SBF2: variants seen among roughly 807,000 people sequenced by gnomAD.
The protein encoded by SBF2 is myotubularin-related protein 13.
In SBF2, 112 loss-of-function variants were observed where a neutral mutation model predicts 225.2. The observed-to-expected ratio is 0.50, with a 90% CI of 0.43 to 0.58. The LOEUF is 0.58. Ranked by LOEUF, SBF2 falls within the 20% of genes least tolerant of loss-of-function variation. The pLI, the probability that SBF2 is intolerant of heterozygous loss-of-function variation, is 0.00. For synonymous variants in SBF2, 763 were observed against 773.3 expected (o/e 0.99, Z 0.22); for missense variants, 1,996 against 2,206.2 (o/e 0.90, Z 1.91).
intron 1 of SBF2, among the ~76,000 whole-genome samples, chr11:10,286,081 G>A (rs1044906160): frequency 6.6e-6 from 1 of 151,984 alleles, no homozygotes; most frequent in African/African-American, 2.4e-5. Flanking sequence ...ACCCACCTCA[G>A]CCTCCCATAG....
intron 2 of SBF2, among the ~76,000 whole-genome samples, chr11:10,069,157 A>C (rs541922735): frequency 6.7e-4 from 102 of 152,206 alleles, no homozygotes; most frequent in Non-Finnish European, 1.2e-3. Context: ...CATAAAAATA[A>C]CTAATTTTGA....
chr11:9,954,405 C>T (rs889870476), intron 16 of SBF2, among the ~76,000 whole-genome samples: 5 of 152,168 alleles, frequency 3.3e-5, no homozygotes, highest in East Asian at 1.9e-4. Context: ...TTGATAAGTA[C>T]GTTGTTGCAT....
At chr11:9,977,083 T>C (rs1384711015) in intron 13 of SBF2, among the ~76,000 whole-genome samples, 2 of 152,170 alleles carry the variant, frequency 1.3e-5, no homozygotes, top group Non-Finnish European at 2.9e-5. Flanking sequence ...TGCCCTGAAG[T>C]AGAAGTTTTA....
chr11:9,833,221 A>G (rs1253818411), intron 26 of SBF2, among the ~76,000 whole-genome samples: 1 of 152,236 alleles, frequency 6.6e-6, no homozygotes, highest in African/African-American at 2.4e-5. Context: ...GTTGATACTT[A>G]TTTTAAAAGA....
chr11:10,249,158 T>A (rs1960092415), intron 1 of SBF2, among the ~76,000 whole-genome samples: 3 of 152,142 alleles, frequency 2.0e-5, no homozygotes, highest in South Asian at 2.1e-4. Context: ...AAAGGGGTAT[T>A]ATCTTGTTTT....
At chr11:9,811,875 G>T in intron 30 of SBF2, among the ~76,000 whole-genome samples, 1 of 152,114 alleles carries the variant, frequency 6.6e-6, no homozygotes, top group Non-Finnish European at 1.5e-5. Flanking sequence ...CAGCTCTTTG[G>T]GAGGTCAAGG....
chr11:10,133,039 T>C (rs1479695874), intron 2 of SBF2, among the ~76,000 whole-genome samples: 1 of 135,378 alleles, frequency 7.4e-6, no homozygotes, highest in Non-Finnish European at 1.6e-5. Flanking sequence ...AGATACAGAG[T>C]GCCGATTGGT....
At chr11:9,933,388 A>C (rs1415481798) in intron 16 of SBF2, among the ~76,000 whole-genome samples, 4 of 152,206 alleles carry the variant, frequency 2.6e-5, no homozygotes, top group African/African-American at 9.6e-5. Context: ...ACTTATTCCA[A>C]AATTGACCAC....
rs764924324 is a variant in SBF2, at chr11:9,968,578, A to G, written c.1396-33T>C. Reference sequence around the variant, plus strand: ...ATCAGACATAGGTAAAATTACTCCAAGTTAAAATAACAATGGCAGATCACC... The same window carrying G: ...ATCAGACATAGGTAAAATTACTCCAGGTTAAAATAACAATGGCAGATCACC... On this transcript the variant is annotated intron_variant, in intron 13 of 39. Transcript: ENST00000256190. 6 of 1,554,150 alleles carry G rather than the reference A, an allele frequency of 3.9e-6. No individual in the cohort carries two copies. In the African/African-American group the frequency reaches 6.8e-5, roughly 18 times the overall value.
intron 38 of SBF2, among the ~76,000 whole-genome samples, chr11:9,782,641 C>T (rs528084918): frequency 3.3e-5 from 5 of 152,136 alleles, no homozygotes; most frequent in African/African-American, 4.8e-5. Flanking sequence ...GAGGCTGAGG[C>T]GGGTGGATCA....
intron 14 of SBF2, 95 bp from the exon 15 acceptor site, chr11:9,963,977 G>T: frequency 1.3e-6 from 1 of 752,116 alleles, no homozygotes; most frequent in Non-Finnish European, 2.3e-6. Flanking sequence ...TAGGTTGGGC[G>T]TGGAGGCTCA....
intron 1 of SBF2, among the ~76,000 whole-genome samples, chr11:10,227,202 T>C (rs987858080): frequency 6.6e-6 from 1 of 152,228 alleles, no homozygotes; most frequent in Non-Finnish European, 1.5e-5. Context: ...TTTGAGTTCA[T>C]TGTAGATTCT....
At chr11:10,162,078 G>A (rs1955768986) in intron 2 of SBF2, among the ~76,000 whole-genome samples, 2 of 152,038 alleles carry the variant, frequency 1.3e-5, no homozygotes, top group Admixed American at 1.3e-4. Context: ...AGAACATGAA[G>A]ATAAGAGTGA....
intron 1 of SBF2, among the ~76,000 whole-genome samples, chr11:10,227,802 A>G (rs1030913743): frequency 2.9e-4 from 44 of 151,896 alleles, no homozygotes; most frequent in Middle Eastern, 3.4e-3. Context: ...TTGGCGATGC[A>G]GGCTCTTTTT....
chr11:10,003,509 AG>A (rs2134518243), intron 6 of SBF2, among the ~76,000 whole-genome samples: 1 of 151,892 alleles, frequency 6.6e-6, no homozygotes, highest in South Asian at 2.1e-4. Context: ...CTGGGATTAC[AG>A]GCGCCCGCCA....
chr11:9,784,231 A>G, intron 38 of SBF2, 120 bp downstream of exon 38: 1 of 775,430 alleles, frequency 1.3e-6, no homozygotes, highest in East Asian at 2.5e-5. Flanking sequence ...ACTACATATG[A>G]GAGGCACTAA....
chr11:9,909,390 G>A (rs766077976), intron 16 of SBF2, among the ~76,000 whole-genome samples: 12 of 151,832 alleles, frequency 7.9e-5, no homozygotes, highest in Non-Finnish European at 1.6e-4. Flanking sequence ...ACCCTGAGGC[G>A]GCTGGGCGCG....
chr11:9,894,228 C>CA (rs954383292), intron 17 of SBF2, among the ~76,000 whole-genome samples: 4 of 151,784 alleles, frequency 2.6e-5, no homozygotes, highest in Non-Finnish European at 4.4e-5. Flanking sequence ...CAAAAAAATA[C>CA]AAAAAATCTG....
chr11:9,866,660 T>C (rs1858245739), intron 17 of SBF2, among the ~76,000 whole-genome samples: 1 of 152,216 alleles, frequency 6.6e-6, no homozygotes, highest in African/African-American at 2.4e-5. Context: ...TGCAGGACAT[T>C]GGTCTGGGCA....
Sources: allele counts gnomAD v4.1 joint callset (sites outside exome capture counted in the v4.1 genomes callset), GRCh38; gene constraint gnomAD v4.1.1; transcripts MANE v1.5; gene names NCBI Gene and HGNC (gene_info 2026-07-23, HGNC 2026-07-21).